The following CREM variants were observed in gnomAD, a reference collection of about 807,000 sequenced individuals.
The protein encoded by CREM is cAMP responsive element modulator.
In CREM, 13 loss-of-function variants were observed where a neutral mutation model predicts 37.3. The ratio of observed to expected loss-of-function variants is 0.35; its 90% CI spans 0.23 to 0.55. The LOEUF (loss-of-function observed/expected upper bound fraction) is 0.55. Among genes scored for constraint, CREM ranks in the 20% least tolerant of loss-of-function variants. CREM has a pLI of 0.88. For missense variants in CREM, 296 were observed against 362.3 expected, an observed-to-expected ratio of 0.82 and a Z score of 1.49; for synonymous variants, 124 against 120.2, an observed-to-expected ratio of 1.03 and a Z score of -0.21.
intron 3 of CREM, among the ~76,000 whole-genome samples, chr10:35,169,947 T>G (rs1447168463): frequency 6.6e-6 from 1 of 151,276 alleles, no homozygotes; most frequent in East Asian, 1.9e-4. Context: ...TGAAGCCCAT[T>G]TGATCATGGT....
At chr10:35,149,924 A>ACACACG (rs2092460335) in intron 3 of CREM, among the ~76,000 whole-genome samples, 1 of 129,958 alleles carries the variant, frequency 7.7e-6, no homozygotes, top group Admixed American at 8.0e-5. Context: ...ACACACACAC[A>ACACACG]CACACACACA....
At chr10:35,163,802 CAA>C (rs924983581) in intron 3 of CREM, among the ~76,000 whole-genome samples, 12 of 151,734 alleles carry the variant, frequency 7.9e-5, no homozygotes, top group African/African-American at 4.8e-5. Flanking sequence ...GCCTGGGCGA[CAA>C]GAGTGAAACT....
intron 6 of CREM, among the ~76,000 whole-genome samples, chr10:35,206,262 ATG>A (rs2095520482): frequency 8.9e-6 from 1 of 112,466 alleles, no homozygotes; most frequent in African/African-American, 2.7e-5. Context: ...AAAAAAAAAT[ATG>A]TGTGTGTATA....
intron 5 of CREM, among the ~76,000 whole-genome samples, chr10:35,181,196 T>C (rs905786135): frequency 6.6e-6 from 1 of 152,226 alleles, no homozygotes; most frequent in African/African-American, 2.4e-5. Context: ...GGAACCATCT[T>C]TGTGCCATTT....
chr10:35,176,237 G>A (rs2094067457), intron 3 of CREM, among the ~76,000 whole-genome samples: 2 of 152,164 alleles, frequency 1.3e-5, no homozygotes, highest in South Asian at 2.1e-4. Context: ...AGTAATTGCA[G>A]ATGAGCAGTT....
At chr10:35,145,518 G>T (rs916844942) in intron 2 of CREM, among the ~76,000 whole-genome samples, 1 of 152,050 alleles carries the variant, frequency 6.6e-6, no homozygotes. Flanking sequence ...AATGGCTCAC[G>T]CCTAGTAATC....
At chr10:35,144,880 G>C (rs1263853504) in intron 2 of CREM, among the ~76,000 whole-genome samples, 2 of 151,940 alleles carry the variant, frequency 1.3e-5, no homozygotes, top group African/African-American at 4.8e-5. Context: ...TAACTTCCAG[G>C]CTGGGCATGG....
chr10:35,167,537 C>T, intron 3 of CREM: 1 of 578,270 alleles, frequency 1.7e-6, no homozygotes, highest in South Asian at 2.4e-5. Context: ...GTGAGGGAAC[C>T]TAGCTACGGG....
intron 3 of CREM, among the ~76,000 whole-genome samples, chr10:35,174,927 T>C (rs1366862738): frequency 6.6e-6 from 1 of 152,150 alleles, no homozygotes; most frequent in Non-Finnish European, 1.5e-5. Flanking sequence ...CTGGATGCTT[T>C]AGCTAGGGAG....
intron 3 of CREM, among the ~76,000 whole-genome samples, chr10:35,169,329 G>T (rs1476054723): frequency 3.9e-5 from 6 of 152,128 alleles, no homozygotes; most frequent in African/African-American, 1.2e-4. Flanking sequence ...TTGTAAGTTG[G>T]ATTCCTAGGT....
At chr10:35,146,130 G>A (rs903112172) in intron 2 of CREM, among the ~76,000 whole-genome samples, 2 of 152,214 alleles carry the variant, frequency 1.3e-5, no homozygotes, top group African/African-American at 2.4e-5. Context: ...TTTCTAGAAT[G>A]AAATATAGTT....
At chr10:35,182,092 A>G (rs958098524) in intron 5 of CREM, among the ~76,000 whole-genome samples, 46 of 152,370 alleles carry the variant, frequency 3.0e-4, no homozygotes, top group African/African-American at 1.1e-3. Context: ...GGGGACATTT[A>G]GTGAAATATA....
At chr10:35,198,936 G>A (rs2095301922) in intron 6 of CREM, among the ~76,000 whole-genome samples, 1 of 151,890 alleles carries the variant, frequency 6.6e-6, no homozygotes, top group African/African-American at 2.4e-5. Flanking sequence ...GATCACCTGA[G>A]GTCAGGAGTT....
intron 6 of CREM, chr10:35,195,836 C>A: frequency 1.9e-6 from 1 of 540,498 alleles, no homozygotes; most frequent in Non-Finnish European, 3.3e-6. Flanking sequence ...GTTAAAACTC[C>A]AAGCGAGCTG....
intron 2 of CREM, among the ~76,000 whole-genome samples, chr10:35,147,041 GTTTTTTT>G (rs755346866): frequency 5.0e-5 from 6 of 121,008 alleles, no homozygotes; most frequent in African/African-American, 1.9e-4. Flanking sequence ...AGTTTTTTGG[GTTTTTTT>G]TTTTTTTTTT....
intron 3 of CREM, among the ~76,000 whole-genome samples, chr10:35,175,031 G>A (rs192480247): frequency 5.9e-5 from 9 of 152,288 alleles, no homozygotes; most frequent in Admixed American, 5.9e-4. Context: ...GAATTTCTTC[G>A]GCCTATGCCT....
At chr10:35,153,352 ACAT>A (rs1250835706) in intron 3 of CREM, among the ~76,000 whole-genome samples, 1 of 152,208 alleles carries the variant, frequency 6.6e-6, no homozygotes, top group African/African-American at 2.4e-5. Context: ...CAGATCTCAG[ACAT>A]CATGTCATTT....
At chr10:35,129,056 A>G (rs1421349335) in intron 1 of CREM, among the ~76,000 whole-genome samples, 2 of 152,222 alleles carry the variant, frequency 1.3e-5, no homozygotes, top group Non-Finnish European at 2.9e-5. Flanking sequence ...GAATGAGTAA[A>G]CACTTAAAGC....
chr10:35,134,446 A>G (rs762305958), intron 1 of CREM, among the ~76,000 whole-genome samples: 1 of 152,066 alleles, frequency 6.6e-6, no homozygotes, highest in African/African-American at 2.4e-5. Context: ...TGAACTCTTG[A>G]CCTCAGGCGA....
Sources: allele counts gnomAD v4.1 joint callset (sites outside exome capture counted in the v4.1 genomes callset), GRCh38; gene constraint gnomAD v4.1.1; transcripts MANE v1.5; gene names NCBI Gene and HGNC (gene_info 2026-07-23, HGNC 2026-07-21).